The following CHM variants were observed in gnomAD, a reference collection of about 807,000 sequenced individuals.
CHM encodes the protein rab proteins geranylgeranyltransferase component A 1.
Under a neutral mutation model 49.0 loss-of-function variants are expected in CHM, and 10 were observed. The observed-to-expected ratio is 0.20, with a 90% CI of 0.13 to 0.35. The LOEUF (loss-of-function observed/expected upper bound fraction) is 0.35, where lower values mean the gene tolerates loss of function less well. Among genes scored for constraint, CHM ranks in the 10% least tolerant of loss-of-function variants. The pLI is 1.00. For synonymous variants in CHM, 184 were observed against 167.5 expected, an observed-to-expected ratio of 1.10 and a Z score of -0.76; for missense variants, 455 against 478.4, an observed-to-expected ratio of 0.95 and a Z score of 0.46.
rs943602562 is a variant in CHM, at chrX:85,966,349, A to T, written c.315-2297T>A. The stretch of plus-strand genomic sequence containing the variant: ...GGGCAACAAGAGCAAAACTCCGTCT[A>T]AAAAAAAAAAAAAAAAACTACTCAA... On this transcript the variant is annotated intron_variant, in intron 4 of 14. Coordinates refer to ENST00000357749, the MANE Select transcript of CHM (RefSeq NM_000390.4). Among the ~76,000 whole-genome samples, 7 of 85,113 alleles carry T rather than the reference A, an allele frequency of 8.2e-5. No individual in the cohort carries two copies. The East Asian group carries it at 1.9e-3, about 23-fold the overall frequency. 73.9% of individuals were successfully genotyped at this position (85,113 alleles called of 115,157 possible). A position where few individuals can be genotyped will look rare whatever the true frequency, so the allele number is the denominator to read the frequency against.
intron 8 of CHM, among the ~76,000 whole-genome samples, chrX:85,941,132 G>GA (rs1324983272): frequency 1.8e-5 from 2 of 111,532 alleles, no homozygotes; most frequent in Non-Finnish European, 1.9e-5. Context: ...GGAAAGAAAT[G>GA]AAAAAAATTA....
intron 12 of CHM, among the ~76,000 whole-genome samples, chrX:85,884,334 C>T (rs1924953487): frequency 9.0e-6 from 1 of 111,011 alleles, no homozygotes; most frequent in South Asian, 3.7e-4. Context: ...ACTGGATAAT[C>T]ATGATTTCCT....
At chrX:85,866,333 G>A (rs976567631) in intron 14 of CHM, among the ~76,000 whole-genome samples, 3 of 112,517 alleles carry the variant, frequency 2.7e-5, no homozygotes, top group African/African-American at 9.7e-5. Context: ...CAGCTTCCAC[G>A]TGATGTTGGG....
intron 12 of CHM, among the ~76,000 whole-genome samples, chrX:85,889,184 C>T (rs1163648546): frequency 1.8e-5 from 2 of 111,569 alleles, no homozygotes; most frequent in African/African-American, 6.5e-5. Context: ...TCCTCAAAAG[C>T]AATTGCAACA....
At chrX:85,973,332 G>T (rs772873307) in intron 4 of CHM, among the ~76,000 whole-genome samples, 25 of 42,850 alleles carry the variant, frequency 5.8e-4, no homozygotes, top group Middle Eastern at 0.016. Flanking sequence ...AAAAAAAAAA[G>T]AAAGAAAGAA....
intron 12 of CHM, among the ~76,000 whole-genome samples, chrX:85,887,882 C>T: frequency 9.0e-6 from 1 of 111,633 alleles, no homozygotes; most frequent in Non-Finnish European, 1.9e-5. Flanking sequence ...GAAGAAATTT[C>T]TAAGCAGCAA....
chrX:85,980,672 T>A (rs1931539768), intron 3 of CHM, among the ~76,000 whole-genome samples: 1 of 111,940 alleles, frequency 8.9e-6, no homozygotes, highest in South Asian at 3.7e-4. Flanking sequence ...TGATCTTCTG[T>A]ATGATGCTCT....
At chrX:86,001,905 C>T (rs1207581134) in intron 2 of CHM, among the ~76,000 whole-genome samples, 1 of 110,886 alleles carries the variant, frequency 9.0e-6, no homozygotes, top group Non-Finnish European at 1.9e-5. Flanking sequence ...AAGAAAACTG[C>T]ATGCAATTAA....
intron 4 of CHM, among the ~76,000 whole-genome samples, chrX:85,973,559 T>C (rs754082919): frequency 1.2e-4 from 13 of 111,380 alleles, no homozygotes; most frequent in Non-Finnish European, 1.9e-4. Context: ...ATCTATTTAC[T>C]TGCTTGATAC....
chrX:85,995,322 C>G (rs1932391712), intron 2 of CHM, among the ~76,000 whole-genome samples: 1 of 103,300 alleles, frequency 9.7e-6, no homozygotes, highest in Non-Finnish European at 2.0e-5. Flanking sequence ...TATTATCAGG[C>G]CTTGGCAGCC....
chrX:85,917,461 A>C (rs752826243), intron 8 of CHM, among the ~76,000 whole-genome samples: 2 of 111,919 alleles, frequency 1.8e-5, no homozygotes, highest in South Asian at 7.5e-4. Flanking sequence ...GTTTTTTAAA[A>C]AAGAAAAAAA....
intron 5 of CHM, among the ~76,000 whole-genome samples, chrX:85,959,359 T>C (rs1930175187): frequency 9.4e-6 from 1 of 106,020 alleles, no homozygotes; most frequent in Non-Finnish European, 2.0e-5. Context: ...TCAGTATATG[T>C]ACTTCATTAC....
At chrX:86,009,739 C>T (rs1569249281) in intron 2 of CHM, among the ~76,000 whole-genome samples, 3 of 110,934 alleles carry the variant, frequency 2.7e-5, no homozygotes, top group African/African-American at 6.6e-5. Flanking sequence ...TGTAGAAATA[C>T]CTAATGTAAA....
At position 85,893,756 on chromosome X, in the gene CHM, A is replaced by G. The variant is rs768882162; in HGVS notation, c.1510+432T>C. Among the ~76,000 whole-genome samples the G allele has an allele frequency of 4.5e-5, 5 of 111,459 alleles. No homozygotes were observed. The South Asian group carries it at 1.1e-3, about 25-fold the overall frequency. On this transcript the variant is annotated intron_variant, in intron 12 of 14. Transcript: ENST00000357749. The stretch of plus-strand genomic sequence containing the variant: ...AGACACTGAATCTGCTGGCACCTTG[A>G]TTTTGGACTTTCCAGCCTCTAGAAT...
At chrX:85,875,420 AG>A (rs1227648917) in intron 13 of CHM, among the ~76,000 whole-genome samples, 1 of 111,888 alleles carries the variant, frequency 8.9e-6, no homozygotes, top group East Asian at 2.8e-4. Context: ...AAGATGTAAC[AG>A]GTAATTTAGA....
At chrX:86,027,592 A>C (rs1443296923) in intron 1 of CHM, 35 bp from the exon 2 acceptor site, 1 of 1,111,644 alleles carries the variant, frequency 9.0e-7, no homozygotes, top group African/African-American at 1.8e-5. Flanking sequence ...TTTAGAATGT[A>C]GAAATATATA....
intron 1 of CHM, among the ~76,000 whole-genome samples, chrX:86,040,065 G>T (rs1412071113): frequency 8.9e-6 from 1 of 112,220 alleles, no homozygotes; most frequent in African/African-American, 3.2e-5. Flanking sequence ...ACACAAAAAG[G>T]CTGTCACACT....
At chrX:86,022,339 T>C (rs1933642155) in intron 2 of CHM, among the ~76,000 whole-genome samples, 1 of 111,779 alleles carries the variant, frequency 8.9e-6, no homozygotes, top group Admixed American at 9.5e-5. Flanking sequence ...AATGCTAAAA[T>C]GAATTTTAAA....
intron 2 of CHM, among the ~76,000 whole-genome samples, chrX:85,983,186 T>A (rs1931721666): frequency 9.0e-6 from 1 of 110,966 alleles, no homozygotes; most frequent in Non-Finnish European, 1.9e-5. Context: ...GTAGCTTTAT[T>A]AATATAGATC....
Sources: allele counts gnomAD v4.1 joint callset (sites outside exome capture counted in the v4.1 genomes callset), GRCh38; gene constraint gnomAD v4.1.1; transcripts MANE v1.5; gene names NCBI Gene and HGNC (gene_info 2026-07-23, HGNC 2026-07-21).